Variants in ITGBL1 observed in about 807,000 individuals in gnomAD.
The protein encoded by ITGBL1 is integrin beta-like protein 1.
A neutral mutation model predicts 68.5 loss-of-function variants in ITGBL1; 51 were observed. That is an observed-to-expected ratio of 0.74 (90% CI 0.59 to 0.94). The LOEUF (loss-of-function observed/expected upper bound fraction) is 0.94. Among genes scored for constraint, ITGBL1 ranks in the 40% least tolerant of loss-of-function variants. The pLI, the probability that ITGBL1 is intolerant of heterozygous loss-of-function variation, is 0.00. For synonymous variants in ITGBL1, 209 were observed against 227.3 expected (o/e 0.92, Z 0.72); for missense variants, 649 against 647.4 (o/e 1.00, Z -0.03).
chr13:101,499,496 G>A (rs1378370228), intron 2 of ITGBL1, among the ~76,000 whole-genome samples: 3 of 152,140 alleles, frequency 2.0e-5, no homozygotes, highest in African/African-American at 7.2e-5. Context: ...TTGTTTGCTA[G>A]CACTCAGATA....
intron 6 of ITGBL1, among the ~76,000 whole-genome samples, chr13:101,594,344 T>G (rs975243626): frequency 6.6e-6 from 1 of 152,124 alleles, no homozygotes; most frequent in Non-Finnish European, 1.5e-5. Flanking sequence ...AGACAGTTTA[T>G]TCGATAAATG....
chr13:101,627,305 T>C (rs568303521), intron 7 of ITGBL1, among the ~76,000 whole-genome samples: 1 of 152,246 alleles, frequency 6.6e-6, no homozygotes, highest in East Asian at 1.9e-4. Flanking sequence ...TATTTTTTAG[T>C]GCACTTTTAA....
At chr13:101,510,126 C>A (rs1211031156) in intron 2 of ITGBL1, among the ~76,000 whole-genome samples, 1 of 151,968 alleles carries the variant, frequency 6.6e-6, no homozygotes, top group East Asian at 1.9e-4. Context: ...AACCTAGTAC[C>A]TAATAGGTAG....
intron 7 of ITGBL1, among the ~76,000 whole-genome samples, chr13:101,624,502 T>G (rs1012649624): frequency 3.9e-5 from 6 of 152,160 alleles, no homozygotes; most frequent in Admixed American, 3.9e-4. Context: ...GGATACAGAT[T>G]GACCTGGGGT....
At chr13:101,625,713 C>A (rs1419239033) in intron 7 of ITGBL1, among the ~76,000 whole-genome samples, 1 of 152,058 alleles carries the variant, frequency 6.6e-6, no homozygotes, top group Non-Finnish European at 1.5e-5. Context: ...CCATCATGCC[C>A]AGCTAATTTT....
chr13:101,606,864 C>T (rs546524589), intron 7 of ITGBL1, among the ~76,000 whole-genome samples: 1 of 152,056 alleles, frequency 6.6e-6, no homozygotes, highest in African/African-American at 2.4e-5. Flanking sequence ...GCAGGAGAAT[C>T]CCTGACTGAT....
intron 6 of ITGBL1, among the ~76,000 whole-genome samples, chr13:101,594,471 T>C (rs886859999): frequency 6.6e-6 from 1 of 152,162 alleles, no homozygotes; most frequent in African/African-American, 2.4e-5. Context: ...CCTGAAATTT[T>C]AAAACTACTC....
At chr13:101,462,592 A>AT (rs1489758340) in intron 2 of ITGBL1, among the ~76,000 whole-genome samples, 4 of 151,410 alleles carry the variant, frequency 2.6e-5, no homozygotes, top group Non-Finnish European at 4.4e-5. Context: ...CCATATCATT[A>AT]TTTTTTTTGA....
intron 7 of ITGBL1, among the ~76,000 whole-genome samples, chr13:101,663,733 C>T (rs115721050): frequency 0.024 from 3,631 of 152,130 alleles, 131 homozygotes; most frequent in African/African-American, 0.083. Context: ...TAATTGTCTC[C>T]AGGAAGGAAA....
intron 2 of ITGBL1, among the ~76,000 whole-genome samples, chr13:101,493,586 A>G (rs544267840): frequency 6.6e-6 from 1 of 152,268 alleles, no homozygotes; most frequent in Admixed American, 6.5e-5. Flanking sequence ...CCTGAGTGAT[A>G]TGTGACTTGT....
intron 2 of ITGBL1, among the ~76,000 whole-genome samples, chr13:101,525,832 A>T (rs568209306): frequency 1.3e-5 from 2 of 152,054 alleles, no homozygotes; most frequent in Admixed American, 1.3e-4. Flanking sequence ...TAAGCATTTA[A>T]ATATATATGC....
At chr13:101,720,719 CTAATA>C (rs1483195038), downstream of ITGBL1, 1 of 151,318 alleles carries the variant, frequency 6.6e-6, no homozygotes, top group East Asian at 1.9e-4. Context: ...TGGAAGTTAT[CTAATA>C]TATTTTAACT....
At chr13:101,586,306 G>A (rs894680137) in intron 6 of ITGBL1, among the ~76,000 whole-genome samples, 4 of 152,176 alleles carry the variant, frequency 2.6e-5, no homozygotes, top group Non-Finnish European at 4.4e-5. Flanking sequence ...ATTGGCTGTA[G>A]TTTGAACAAG....
rs553943679 is a variant in ITGBL1 at position 101,548,527 on chromosome 13, T to C, written c.317-19172T>C. On this transcript the variant is annotated intron_variant, in intron 2 of 10. Coordinates refer to ENST00000376180, the MANE Select transcript of ITGBL1 (RefSeq NM_004791.3). ...CTATATATGAAAAGAATGCATATCATAGTCTTCCCCAAAAAGCAGCATTAA... is the reference window on the plus strand; with the variant it reads ...CTATATATGAAAAGAATGCATATCACAGTCTTCCCCAAAAAGCAGCATTAA... 2.6e-5 allele frequency among the ~76,000 whole-genome samples: 4 copies of C among 151,962 alleles called. No individual in the cohort carries two copies. In the East Asian group the frequency reaches 5.8e-4, roughly 22 times the overall value.
intron 9 of ITGBL1, among the ~76,000 whole-genome samples, chr13:101,709,371 C>CAACAAAAAAA (rs770658418): frequency 1.6e-5 from 1 of 61,198 alleles, no homozygotes; most frequent in African/African-American, 9.8e-5. Flanking sequence ...GACTCCGTCT[C>CAACAAAAAAA]AAAAAAAAAA....
intron 9 of ITGBL1, among the ~76,000 whole-genome samples, chr13:101,709,390 AAAAAAAAAG>A (rs1340014289): frequency 2.1e-5 from 3 of 143,314 alleles, no homozygotes; most frequent in African/African-American, 5.1e-5. Flanking sequence ...AAAAAAAAAA[AAAAAAAAAG>A]AAAAGCAGGA....
intron 6 of ITGBL1, among the ~76,000 whole-genome samples, chr13:101,596,712 A>T (rs986625826): frequency 6.6e-6 from 1 of 152,210 alleles, no homozygotes; most frequent in Non-Finnish European, 1.5e-5. Context: ...TGGTTAATTT[A>T]AAAAAATCCT....
intron 2 of ITGBL1, among the ~76,000 whole-genome samples, chr13:101,502,669 G>A (rs929735797): frequency 6.6e-6 from 1 of 152,090 alleles, no homozygotes; most frequent in Non-Finnish European, 1.5e-5. Context: ...AATATTTAAT[G>A]CCTTGTTTGG....
intron 7 of ITGBL1, among the ~76,000 whole-genome samples, chr13:101,691,349 T>C (rs1271055469): frequency 6.6e-6 from 1 of 152,216 alleles, no homozygotes; most frequent in Non-Finnish European, 1.5e-5. Context: ...CTAGAAAATA[T>C]TATGAATCAT....
Sources: gnomAD v4.1 joint callset for allele counts (sites outside exome capture counted in the v4.1 genomes callset) on GRCh38, gnomAD v4.1.1 for gene constraint, MANE v1.5 for transcripts, NCBI Gene and HGNC (gene_info 2026-07-23, HGNC 2026-07-21) for gene names.